The following RASGRP1 variants were observed in gnomAD, a reference collection of about 807,000 sequenced individuals.
The protein encoded by RASGRP1 is RAS guanyl-releasing protein 1.
In RASGRP1, 37 loss-of-function variants were observed where a neutral mutation model predicts 95.1. That is an observed-to-expected ratio of 0.39 (90% CI 0.30 to 0.51). The LOEUF is 0.51. Among genes scored for constraint, RASGRP1 ranks in the 20% least tolerant of loss-of-function variants. The probability of loss-of-function intolerance (pLI) is 0.80; values close to 1 mark genes in which losing one functional copy is unlikely to be tolerated. For missense variants in RASGRP1, 711 were observed against 965.4 expected, an observed-to-expected ratio of 0.74 and a Z score of 3.49; for synonymous variants, 325 against 353.4, an observed-to-expected ratio of 0.92 and a Z score of 0.90.
chr15:38,519,436 G>T, intron 3 of RASGRP1, 65 bp from the exon 4 acceptor site: 3 of 1,212,654 alleles, frequency 2.5e-6, no homozygotes, highest in Non-Finnish European at 3.6e-6. Context: ...TTCATCTTTG[G>T]AAGTATTTGC....
At chr15:38,531,736 A>G (rs910656223) in intron 2 of RASGRP1, among the ~76,000 whole-genome samples, 3 of 152,158 alleles carry the variant, frequency 2.0e-5, no homozygotes, top group Admixed American at 2.0e-4. Context: ...TTAGGGAAAG[A>G]GCAGACAGAA....
In RASGRP1 at chr15:38,488,630, T is replaced by C. The variant is rs1890447516; in HGVS notation, c.*1924A>G. 6.6e-6 allele frequency: 1 copy of C among 152,024 alleles called. No individual in the cohort carries two copies. The highest frequency in any genetic ancestry group is 1.5e-5 in the Non-Finnish European group (1 of 67,888). The allele number at this position is 152,024 out of a possible 1,614,324, so 9.4% of individuals were successfully genotyped here. A position where few individuals can be genotyped will look rare whatever the true frequency, so the allele number is the denominator to read the frequency against. On this transcript the variant is annotated 3_prime_UTR_variant, in exon 17 of 17. Transcript: ENST00000310803. The stretch of plus-strand genomic sequence containing the variant: ...ACCTTTTGAATCCCTATAGATTATT[T>C]ATATAAAAACTAACTGGGGATCTTT...
intron 2 of RASGRP1, among the ~76,000 whole-genome samples, chr15:38,530,206 G>T (rs1892382852): frequency 6.6e-6 from 1 of 152,132 alleles, no homozygotes; most frequent in South Asian, 2.1e-4. Context: ...CTGCTTCCTT[G>T]GGCCAGTAGG....
Position 38,508,017 on chromosome 15 carries a change from G to T in RASGRP1, c.967-16C>A. 6.3e-7 allele frequency: 1 copy of T among 1,591,366 alleles called. No individual in the cohort carries two copies. Among genetic ancestry groups the T allele is most frequent in the South Asian group, 1.2e-5 (1 of 86,840 alleles). ...CACCGAGAACCTACAAAGCAGAACA[G>T]ACCAATCACAGGTACCCGCTAGGCA... On this transcript the variant is annotated splice_polypyrimidine_tract_variant and intron_variant, in intron 8 of 16. Transcript: ENST00000310803.
chr15:38,507,858 A>G lies in RASGRP1; in HGVS notation c.1110T>C (p.Pro370=). Residue 370 remains proline, a synonymous_variant, in exon 9 of 17, where the codon CCT becomes CCC. Transcript: ENST00000310803. The part of the protein sequence containing the change: ...KDLISLYEAM[P]DYLEDGKVNV... ...TCACTTTCCCGTCCTCCAGATAGTCAGGCATGGCTTCATACAGGGAGATGA... is the reference window on the plus strand; with the variant it reads ...TCACTTTCCCGTCCTCCAGATAGTCGGGCATGGCTTCATACAGGGAGATGA... 5 of 1,613,776 alleles carry G rather than the reference A, an allele frequency of 3.1e-6. No homozygotes were observed. Among genetic ancestry groups the G allele is most frequent in the Non-Finnish European group, 3.4e-6 (4 of 1,179,808 alleles).
rs373809590 is a variant in RASGRP1 at position 38,516,242 on chromosome 15, G to A, written c.630C>T (p.Ser210=). ...LFDHLEPEEL[S]EHLTYLEFKS... ...TGAACTCAAGGTAGGTGAGGTGCTC[G>A]GATAGCTCTTCTGGTTCCAGATGGT... The change falls in exon 6 of 17, where the codon TCC becomes TCT. Residue 210 remains serine, a synonymous_variant. Transcript: ENST00000310803. 68 of 1,602,220 alleles carry A rather than the reference G, an allele frequency of 4.2e-5. No individual in the cohort carries two copies. Among genetic ancestry groups the A allele is most frequent in the Admixed American group, 1.2e-4 (7 of 59,950 alleles).
chr15:38,541,030 G>A (rs1595871843), intron 2 of RASGRP1, among the ~76,000 whole-genome samples: 1 of 152,332 alleles, frequency 6.6e-6, no homozygotes, highest in African/African-American at 2.4e-5. Flanking sequence ...TCTGAGCAGA[G>A]CAGAGCAGAC....
intron 15 of RASGRP1, among the ~76,000 whole-genome samples, 185 bp downstream of exon 15, chr15:38,498,609 C>T (rs35372474): frequency 0.18 from 28,142 of 152,128 alleles, 3,011 homozygotes; most frequent in Non-Finnish European, 0.25. Context: ...CTGCTATTCT[C>T]ACACCTTAAG....
chr15:38,558,089 GA>G (rs1893643045), intron 2 of RASGRP1, among the ~76,000 whole-genome samples: 2 of 152,140 alleles, frequency 1.3e-5, no homozygotes, highest in Admixed American at 6.6e-5. Context: ...TTTCAATAGT[GA>G]AACAGAAAGA....
chr15:38,537,203 CAGTT>C (rs1356813803), intron 2 of RASGRP1, among the ~76,000 whole-genome samples: 1 of 152,122 alleles, frequency 6.6e-6, no homozygotes, highest in Non-Finnish European at 1.5e-5. Flanking sequence ...TCCTCCTTGG[CAGTT>C]AGTTGGTGGC....
intron 4 of RASGRP1, 120 bp downstream of exon 4, chr15:38,519,189 A>T (rs1891901277): frequency 1.6e-6 from 1 of 634,600 alleles, no homozygotes; most frequent in Non-Finnish European, 2.6e-6. Context: ...ATGAAGGACT[A>T]CCCTTTTCCA....
At chr15:38,560,063 A>G in intron 1 of RASGRP1, 58 bp from the exon 2 acceptor site, 1 of 1,422,362 alleles carries the variant, frequency 7.0e-7, no homozygotes, top group South Asian at 1.2e-5. Flanking sequence ...CTCTGAAGGC[A>G]GATTGGAGAG....
intron 2 of RASGRP1, among the ~76,000 whole-genome samples, chr15:38,557,601 A>ATATGTGTGTG: frequency 1.4e-5 from 2 of 145,386 alleles, no homozygotes; most frequent in East Asian, 4.0e-4. Context: ...TTGTATATAT[A>ATATGTGTGTG]TGTGTGTGTG....
Position 38,498,921 on chromosome 15 carries a change from T to C in RASGRP1, c.1746A>G (p.Gln582=), listed in dbSNP as rs1372484162. The C allele has an allele frequency of 6.2e-7, 1 of 1,614,018 alleles. No individual in the cohort carries two copies. The highest frequency in any genetic ancestry group is 2.2e-5 in the East Asian group (1 of 44,886). The part of the protein sequence containing the change: ...CKDCGMNCHK[Q]CKDLVVFECK... ...ACTCAAACACAACCAGATCTTTGCA[T>C]TGTTTGTGACAGTTCATCCCGCAGT... is the stretch of plus-strand genomic sequence containing the variant. The change falls in exon 15 of 17, where the codon CAA becomes CAG. Residue 582 remains glutamine, a synonymous_variant. Coordinates refer to ENST00000310803, the MANE Select transcript of RASGRP1 (RefSeq NM_005739.4).
At chr15:38,513,376 C>T (rs1457268604) in intron 6 of RASGRP1, among the ~76,000 whole-genome samples, 2 of 152,146 alleles carry the variant, frequency 1.3e-5, no homozygotes, top group Non-Finnish European at 1.5e-5. Flanking sequence ...GTTTTCTTAC[C>T]TTAAAAATGT....
intron 12 of RASGRP1, 60 bp downstream of exon 12, chr15:38,502,252 C>T (rs1208170634): frequency 4.1e-6 from 5 of 1,216,380 alleles, no homozygotes; most frequent in Admixed American, 2.0e-5. Context: ...AGTGACATAC[C>T]TATAAACCTA....
intron 3 of RASGRP1, among the ~76,000 whole-genome samples, chr15:38,526,079 C>G (rs1439996246): frequency 2.0e-5 from 3 of 152,080 alleles, no homozygotes; most frequent in Middle Eastern, 3.4e-3. Context: ...TTTCTTTGAC[C>G]ACCCCCCAGA....
At chr15:38,500,422 A>G (rs868602022) in intron 13 of RASGRP1, among the ~76,000 whole-genome samples, 7 of 151,848 alleles carry the variant, frequency 4.6e-5, no homozygotes, top group Middle Eastern at 3.4e-3. Context: ...GCTCACTGCA[A>G]CCTCCACCTC....
intron 6 of RASGRP1, among the ~76,000 whole-genome samples, chr15:38,513,844 T>C (rs1051187309): frequency 6.6e-6 from 1 of 152,186 alleles, no homozygotes; most frequent in African/African-American, 2.4e-5. Context: ...ACTCTTCCCT[T>C]TGAAAGAAGG....
Sources: allele counts gnomAD v4.1 joint callset (sites outside exome capture counted in the v4.1 genomes callset), GRCh38; gene constraint gnomAD v4.1.1; transcripts MANE v1.5; gene names NCBI Gene and HGNC (gene_info 2026-07-23, HGNC 2026-07-21).